Variants in TMEM132D observed in about 807,000 individuals in gnomAD.
The protein encoded by TMEM132D is mature OL transmembrane protein.
Under a neutral mutation model 62.3 loss-of-function variants are expected in TMEM132D, and 21 were observed. The observed-to-expected ratio is 0.34, with a 90% CI of 0.24 to 0.49. The LOEUF is 0.49. TMEM132D is among the 20% of genes least tolerant of loss of function. The pLI is 0.99. For synonymous variants in TMEM132D, 621 were observed against 575.6 expected, an observed-to-expected ratio of 1.08 and a Z score of -1.13; for missense variants, 1,346 against 1,402.8, an observed-to-expected ratio of 0.96 and a Z score of 0.65.
chr12:129,713,405 G>GTT (rs34930874), intron 1 of TMEM132D, among the ~76,000 whole-genome samples: 99 of 147,230 alleles, frequency 6.7e-4, no homozygotes, highest in Non-Finnish European at 1.0e-3. Flanking sequence ...GTTTTTTGTT[G>GTT]TTTTTTTTTT....
At chr12:129,306,388 C>T (rs931511908) in intron 4 of TMEM132D, among the ~76,000 whole-genome samples, 1 of 152,150 alleles carries the variant, frequency 6.6e-6, no homozygotes, top group African/African-American at 2.4e-5. Flanking sequence ...CATAACATGC[C>T]TTCCATAATT....
intron 2 of TMEM132D, among the ~76,000 whole-genome samples, chr12:129,581,204 C>G (rs896639931): frequency 2.0e-5 from 3 of 152,214 alleles, no homozygotes; most frequent in Non-Finnish European, 4.4e-5. Flanking sequence ...GCACAGCCAG[C>G]TCTCCTTTTC....
At chr12:129,862,583 C>G (rs552697967) in intron 1 of TMEM132D, among the ~76,000 whole-genome samples, 1 of 152,186 alleles carries the variant, frequency 6.6e-6, no homozygotes, top group Non-Finnish European at 1.5e-5. Flanking sequence ...ATCAGCTATG[C>G]CTCTCCCATC....
chr12:129,653,670 C>A (rs1484005), intron 2 of TMEM132D, among the ~76,000 whole-genome samples: 36,629 of 152,110 alleles, frequency 0.24, 4,763 homozygotes, highest in African/African-American at 0.33. Flanking sequence ...CATTATCACT[C>A]CCTACAGAGC....
At chr12:129,489,883 A>C (rs939946377) in intron 3 of TMEM132D, among the ~76,000 whole-genome samples, 8 of 152,184 alleles carry the variant, frequency 5.3e-5, no homozygotes, top group Non-Finnish European at 8.8e-5. Context: ...TTGACCTACC[A>C]ATATGAGGAA....
intron 1 of TMEM132D, among the ~76,000 whole-genome samples, chr12:129,834,698 G>C (rs769197400): frequency 6.6e-6 from 1 of 152,138 alleles, no homozygotes; most frequent in South Asian, 2.1e-4. Flanking sequence ...AGGGCTCACA[G>C]TGCAGACCCA....
chr12:129,605,983 G>C (rs1163013910), intron 2 of TMEM132D, among the ~76,000 whole-genome samples: 1 of 152,100 alleles, frequency 6.6e-6, no homozygotes, highest in Non-Finnish European at 1.5e-5. Flanking sequence ...GTGTATGCTA[G>C]AGAATTAACA....
At chr12:129,709,593 A>T (rs1167037995) in intron 1 of TMEM132D, among the ~76,000 whole-genome samples, 1 of 152,336 alleles carries the variant, frequency 6.6e-6, no homozygotes, top group East Asian at 1.9e-4. Flanking sequence ...GATTCACCGG[A>T]GTGTGCCTCC....
At chr12:129,787,941 G>A (rs901822352) in intron 1 of TMEM132D, among the ~76,000 whole-genome samples, 3 of 152,198 alleles carry the variant, frequency 2.0e-5, no homozygotes, top group African/African-American at 4.8e-5. Flanking sequence ...GAGAGGGCAG[G>A]CTGGACAAGG....
intron 1 of TMEM132D, among the ~76,000 whole-genome samples, chr12:129,770,087 T>C (rs893416799): frequency 1.3e-5 from 2 of 150,704 alleles, no homozygotes; most frequent in Non-Finnish European, 2.9e-5. Flanking sequence ...ATGCTAGAAA[T>C]AAAGGTGTGA....
chr12:129,355,252 T>G (rs1870002895), intron 3 of TMEM132D, among the ~76,000 whole-genome samples: 1 of 152,208 alleles, frequency 6.6e-6, no homozygotes, highest in Admixed American at 6.5e-5. Flanking sequence ...GCTAAGTATT[T>G]GAGATGCAAG....
At chr12:129,230,112 C>T (rs1879594478) in intron 4 of TMEM132D, among the ~76,000 whole-genome samples, 1 of 152,244 alleles carries the variant, frequency 6.6e-6, no homozygotes, top group South Asian at 2.1e-4. Context: ...GTCACAGTCA[C>T]CCATGCATTG....
intron 3 of TMEM132D, among the ~76,000 whole-genome samples, chr12:129,354,295 C>CA (rs1255974226): frequency 7.0e-6 from 1 of 143,678 alleles, no homozygotes; most frequent in Non-Finnish European, 1.5e-5. Flanking sequence ...CAGAGTGATG[C>CA]AAAAACTAAA....
chr12:129,570,737 G>C (rs562515186), intron 2 of TMEM132D, among the ~76,000 whole-genome samples: 14 of 152,334 alleles, frequency 9.2e-5, no homozygotes, highest in East Asian at 1.9e-4. Context: ...TGTTATTGGT[G>C]GTTGTTATTC....
intron 4 of TMEM132D, chr12:129,212,685 A>G (rs1431524502): frequency 1.3e-5 from 2 of 152,226 alleles, no homozygotes; most frequent in African/African-American, 4.8e-5. Context: ...CCGTCAGTCA[A>G]TCATAATCCT....
intron 4 of TMEM132D, among the ~76,000 whole-genome samples, chr12:129,287,704 G>A (rs546425228): frequency 2.0e-5 from 3 of 150,352 alleles, no homozygotes; most frequent in South Asian, 2.1e-4. Flanking sequence ...CTGATGCTCC[G>A]AGAACTGCCC....
chr12:129,161,201 C>T (rs2135541095), intron 5 of TMEM132D, among the ~76,000 whole-genome samples: 1 of 152,300 alleles, frequency 6.6e-6, no homozygotes, highest in Non-Finnish European at 1.5e-5. Flanking sequence ...TGGCTTCCTC[C>T]TGGGAGAGTC....
chr12:129,708,630 A>AAC (rs869069705), intron 1 of TMEM132D, among the ~76,000 whole-genome samples: 20 of 107,022 alleles, frequency 1.9e-4, no homozygotes, highest in Admixed American at 6.6e-4. Context: ...AAAAAAAAAA[A>AAC]ACACACACAC....
At chr12:129,357,104 G>C (rs1414572314) in intron 3 of TMEM132D, among the ~76,000 whole-genome samples, 1 of 150,234 alleles carries the variant, frequency 6.7e-6, no homozygotes, top group African/African-American at 2.5e-5. Flanking sequence ...AAAGTTAGCT[G>C]GGCATGGTGG....
Sources: allele counts gnomAD v4.1 joint callset (sites outside exome capture counted in the v4.1 genomes callset), GRCh38; gene constraint gnomAD v4.1.1; transcripts MANE v1.5; gene names NCBI Gene and HGNC (gene_info 2026-07-23, HGNC 2026-07-21).